BABAM2: variants seen among roughly 807,000 people sequenced by gnomAD.
BABAM2 encodes the protein BRISC and BRCA1-A complex member 2.
BABAM2 carries 31 observed loss-of-function variants against 54.7 expected under a neutral mutation model. The observed-to-expected ratio is 0.57, with a 90% CI of 0.43 to 0.77. The LOEUF is 0.77. Ranked by LOEUF, BABAM2 falls within the 30% of genes least tolerant of loss-of-function variation. The pLI is 0.00. For synonymous variants in BABAM2, 167 were observed against 162.9 expected (o/e 1.03, Z -0.19); for missense variants, 364 against 455.8 (o/e 0.80, Z 1.83).
chr2:28,127,003 A>C (rs1470563471), intron 6 of BABAM2, among the ~76,000 whole-genome samples: 2 of 151,096 alleles, frequency 1.3e-5, no homozygotes, highest in African/African-American at 4.9e-5. Flanking sequence ...TTTTTCTTGT[A>C]AATTTGTTTG....
Position 28,286,152 on chromosome 2 carries a change from C to CAGA in BABAM2, c.935-12185_935-12184insGAA, listed in dbSNP as rs1293952640. Among the ~76,000 whole-genome samples, 4 of 151,956 alleles carry CAGA rather than the reference C, an allele frequency of 2.6e-5. No individual in the cohort carries two copies. The East Asian group carries it at 7.7e-4, about 29-fold the overall frequency. The stretch of plus-strand genomic sequence containing the variant: ...TGTATTTTTATTAGAAACAGGGTTT[C>CAGA]ACCATGTTGGCCAGGGTGGTCTCGA... On this transcript the variant is annotated intron_variant, in intron 10 of 11. Coordinates refer to ENST00000379624, the MANE Select transcript of BABAM2 (RefSeq NM_199191.3).
At chr2:27,925,202 A>C (rs934430770) in intron 2 of BABAM2, among the ~76,000 whole-genome samples, 3 of 152,082 alleles carry the variant, frequency 2.0e-5, no homozygotes, top group African/African-American at 7.2e-5. Flanking sequence ...AGGTTTTGTA[A>C]ATTTTTCTTC....
At chr2:28,337,800 T>C (rs1180169544) in intron 11 of BABAM2, among the ~76,000 whole-genome samples, 1 of 152,148 alleles carries the variant, frequency 6.6e-6, no homozygotes, top group Non-Finnish European at 1.5e-5. Context: ...GTCTGGGTAA[T>C]GTAGCAAGAC....
At chr2:28,192,626 A>T (rs1677058952) in intron 7 of BABAM2, among the ~76,000 whole-genome samples, 1 of 146,412 alleles carries the variant, frequency 6.8e-6, no homozygotes, top group Admixed American at 7.0e-5. Flanking sequence ...GGTTCAAGTG[A>T]TTCTCCTGCC....
chr2:28,221,416 C>T (rs1413883753), intron 7 of BABAM2, among the ~76,000 whole-genome samples: 2 of 152,092 alleles, frequency 1.3e-5, no homozygotes, highest in East Asian at 3.9e-4. Context: ...CAGTGTTGCC[C>T]TATTAAATCA....
At chr2:28,038,290 C>A (rs1234161662) in intron 5 of BABAM2, among the ~76,000 whole-genome samples, 2 of 152,156 alleles carry the variant, frequency 1.3e-5, no homozygotes, top group African/African-American at 4.8e-5. Context: ...AGTAATGAGC[C>A]CCCAACCCTA....
intron 7 of BABAM2, among the ~76,000 whole-genome samples, chr2:28,132,781 A>G (rs141647729): frequency 3.3e-4 from 51 of 152,294 alleles, no homozygotes; most frequent in African/African-American, 1.2e-3. Context: ...TTATATTATA[A>G]TCTACCCATC....
At chr2:27,889,933 G>C (rs1436782775), upstream of BABAM2, 1 of 277,560 alleles carries the variant, frequency 3.6e-6, no homozygotes, top group Non-Finnish European at 6.8e-6. Flanking sequence ...GGCTCGTTTG[G>C]GGAAAGGCTC....
intron 7 of BABAM2, among the ~76,000 whole-genome samples, chr2:28,204,557 A>T (rs1678626889): frequency 6.6e-6 from 1 of 151,828 alleles, no homozygotes; most frequent in African/African-American, 2.4e-5. Context: ...GGACAAGGTC[A>T]TTTCAAATGC....
rs546693752 is a variant in BABAM2, at chr2:28,071,731, C to T, written c.570+25932C>T. Among the ~76,000 whole-genome samples the T allele has an allele frequency of 2.6e-5, 4 of 152,224 alleles. No homozygotes were observed. The South Asian group carries it at 6.2e-4, about 24-fold the overall frequency. On this transcript the variant is annotated intron_variant, in intron 6 of 11. Transcript: ENST00000379624. ...GGATAAATGCTTCTTCTATTTATTC[C>T]GTTTTCAAGATAATGAATTAGCCTG...
intron 7 of BABAM2, among the ~76,000 whole-genome samples, chr2:28,177,762 A>G (rs1406931437): frequency 6.6e-6 from 1 of 152,096 alleles, no homozygotes; most frequent in Non-Finnish European, 1.5e-5. Flanking sequence ...CTTCACTGGT[A>G]AGACATATAT....
At chr2:27,975,966 T>G (rs1573307892) in intron 3 of BABAM2, among the ~76,000 whole-genome samples, 2 of 152,046 alleles carry the variant, frequency 1.3e-5, no homozygotes, top group Non-Finnish European at 2.9e-5. Context: ...TTATTAGTCA[T>G]TAGGAAAATG....
intron 6 of BABAM2, among the ~76,000 whole-genome samples, chr2:28,109,489 A>G (rs1471964880): frequency 6.6e-6 from 1 of 152,018 alleles, no homozygotes; most frequent in Non-Finnish European, 1.5e-5. Flanking sequence ...CACCCTGCCA[A>G]GACACATACT....
intron 8 of BABAM2, 61 bp from the exon 9 acceptor site, chr2:28,241,262 C>A: frequency 1.3e-6 from 2 of 1,490,294 alleles, no homozygotes; most frequent in African/African-American, 1.4e-5. Flanking sequence ...TTTGAAATTT[C>A]TTATAATAAA....
At chr2:28,107,513 C>A (rs1436833092) in intron 6 of BABAM2, among the ~76,000 whole-genome samples, 1 of 152,128 alleles carries the variant, frequency 6.6e-6, no homozygotes, top group Non-Finnish European at 1.5e-5. Flanking sequence ...GTACCATGTG[C>A]CCTTCTACTT....
At chr2:28,237,056 T>C in intron 7 of BABAM2, 146 bp from the exon 8 acceptor site, 1 of 638,568 alleles carries the variant, frequency 1.6e-6, no homozygotes. Context: ...AATGTAATCA[T>C]AAAGTGAAGC....
At chr2:28,216,014 A>G (rs1388581110) in intron 7 of BABAM2, among the ~76,000 whole-genome samples, 1 of 152,174 alleles carries the variant, frequency 6.6e-6, no homozygotes, top group Non-Finnish European at 1.5e-5. Context: ...TTTGAAATCA[A>G]TGACATTAAC....
At chr2:27,927,862 G>GTTTTTTT (rs1667824513) in intron 2 of BABAM2, among the ~76,000 whole-genome samples, 1 of 58,024 alleles carries the variant, frequency 1.7e-5, no homozygotes, top group Non-Finnish European at 4.0e-5. Flanking sequence ...TTTCTTTTTT[G>GTTTTTTT]ATACAGAGTC....
intron 9 of BABAM2, among the ~76,000 whole-genome samples, chr2:28,242,792 T>C (rs1189760537): frequency 2.0e-5 from 3 of 152,198 alleles, no homozygotes; most frequent in Admixed American, 2.0e-4. Context: ...TTCTCCGAAA[T>C]AGAAGTGTCA....
Sources: allele counts gnomAD v4.1 joint callset (sites outside exome capture counted in the v4.1 genomes callset), GRCh38; gene constraint gnomAD v4.1.1; transcripts MANE v1.5; gene names NCBI Gene and HGNC (gene_info 2026-07-23, HGNC 2026-07-21).